CDK14: variants seen among roughly 807,000 people sequenced by gnomAD.
CDK14 encodes cyclin-dependent kinase 14.
CDK14 carries 34 observed loss-of-function variants against 60.7 expected under a neutral mutation model. That is an observed-to-expected ratio of 0.56 (90% CI 0.43 to 0.75). The LOEUF (loss-of-function observed/expected upper bound fraction) is 0.75. Ranked by LOEUF, CDK14 falls within the 30% of genes least tolerant of loss-of-function variation. The pLI, the probability that CDK14 is intolerant of heterozygous loss-of-function variation, is 0.00. For synonymous variants in CDK14, 197 were observed against 203.7 expected (o/e 0.97, Z 0.28); for missense variants, 482 against 564.1 (o/e 0.85, Z 1.47).
intron 5 of CDK14, among the ~76,000 whole-genome samples, chr7:90,825,563 TA>T (rs1789694414): frequency 6.6e-6 from 1 of 152,204 alleles, no homozygotes; most frequent in Non-Finnish European, 1.5e-5. Context: ...TGCTGTGGTA[TA>T]AGTAATGAAA....
intron 2 of CDK14, among the ~76,000 whole-genome samples, chr7:90,636,327 G>T (rs1041902420): frequency 5.3e-5 from 8 of 152,180 alleles, no homozygotes; most frequent in African/African-American, 1.9e-4. Flanking sequence ...CTGATTTATT[G>T]AGAGTTTTTA....
chr7:90,930,191 T>G (rs1793544918), intron 8 of CDK14, among the ~76,000 whole-genome samples: 1 of 151,960 alleles, frequency 6.6e-6, no homozygotes, highest in South Asian at 2.1e-4. Context: ...TAAACATATA[T>G]AAGTGGAAAT....
chr7:91,085,057 G>A (rs1374213449), intron 12 of CDK14, among the ~76,000 whole-genome samples: 1 of 152,162 alleles, frequency 6.6e-6, no homozygotes, highest in African/African-American at 2.4e-5. Context: ...AATATGCCAT[G>A]GGTGTTTGTA....
chr7:90,807,771 G>A (rs2117027864), intron 5 of CDK14, among the ~76,000 whole-genome samples: 1 of 152,284 alleles, frequency 6.6e-6, no homozygotes, highest in East Asian at 1.9e-4. Context: ...AGTCTTTAAA[G>A]GACCTGATGG....
rs1238837747 is a variant in CDK14, at chr7:91,207,876, A to G, written c.*740A>G. 1 of 152,680 alleles carries G rather than the reference A, an allele frequency of 6.5e-6. No individual in the cohort carries two copies. The highest frequency in any genetic ancestry group is 1.5e-5 in the Non-Finnish European group (1 of 68,052). The allele number at this position is 152,680 out of a possible 1,614,324, so 9.5% of individuals were successfully genotyped here. The stretch of plus-strand genomic sequence containing the variant: ...TCAAACGTTAAGAACAAAGACAGGG[A>G]TAAATTGCTTACATTTCAACCTCTG... On this transcript the variant is annotated 3_prime_UTR_variant, in exon 15 of 15. Transcript: ENST00000380050.
chr7:91,124,555 G>A (rs1380644778), intron 14 of CDK14, among the ~76,000 whole-genome samples: 1 of 151,694 alleles, frequency 6.6e-6, no homozygotes, highest in African/African-American at 2.4e-5. Flanking sequence ...GGCTGAAAGA[G>A]AGGAAACTGG....
chr7:91,093,681 CA>C (rs1346995017), intron 12 of CDK14, among the ~76,000 whole-genome samples: 1 of 152,020 alleles, frequency 6.6e-6, no homozygotes, highest in Non-Finnish European at 1.5e-5. Context: ...GTTTATATAT[CA>C]AAAAAGAAAA....
At chr7:90,720,164 A>G (rs767766390) in intron 2 of CDK14, among the ~76,000 whole-genome samples, 1 of 152,220 alleles carries the variant, frequency 6.6e-6, no homozygotes, top group Non-Finnish European at 1.5e-5. Context: ...ACATTAAAGT[A>G]TCACAAAAAG....
chr7:91,020,651 C>G (rs1796409909), intron 10 of CDK14, among the ~76,000 whole-genome samples: 1 of 152,204 alleles, frequency 6.6e-6, no homozygotes, highest in Admixed American at 6.5e-5. Context: ...GGAGCCTGAC[C>G]ACTGGGATTT....
At chr7:90,818,914 A>ATG in intron 5 of CDK14, among the ~76,000 whole-genome samples, 2 of 151,792 alleles carry the variant, frequency 1.3e-5, no homozygotes, top group African/African-American at 4.8e-5. Flanking sequence ...GTGTGTATAT[A>ATG]TATATAATTT....
intron 12 of CDK14, among the ~76,000 whole-genome samples, chr7:91,096,085 A>AC (rs933025973): frequency 2.0e-5 from 3 of 151,028 alleles, no homozygotes; most frequent in South Asian, 2.1e-4. Context: ...AAAAAAAAAA[A>AC]AAACAGTTAT....
At chr7:90,845,867 T>G (rs1213390726) in intron 5 of CDK14, among the ~76,000 whole-genome samples, 1 of 152,170 alleles carries the variant, frequency 6.6e-6, no homozygotes, top group Non-Finnish European at 1.5e-5. Flanking sequence ...AGCTGTTCTC[T>G]TAAGCTCTCC....
Position 90,798,188 on chromosome 7 carries a change from ATTT to A in CDK14, c.544+7548_544+7550del, listed in dbSNP as rs10617120. ...TCTAATAAAGTCTGACTTCTGAGTGATTTTTTTTTTTTTTGTAGCAGTAAATGA... is the reference window on the plus strand; with the variant it reads ...TCTAATAAAGTCTGACTTCTGAGTGATTTTTTTTTTTGTAGCAGTAAATGA... On this transcript the variant is annotated intron_variant, in intron 5 of 14. Coordinates refer to ENST00000380050, the MANE Select transcript of CDK14 (RefSeq NM_001287135.2). Among the ~76,000 whole-genome samples, 397 of 146,750 alleles carry A rather than the reference ATTT, an allele frequency of 2.7e-3. 3 individuals carry two copies. The highest frequency in any genetic ancestry group is 5.7e-3 in the African/African-American group (227 of 39,740).
At chr7:91,091,206 G>A (rs577083587) in intron 12 of CDK14, among the ~76,000 whole-genome samples, 59 of 149,854 alleles carry the variant, frequency 3.9e-4, no homozygotes, top group African/African-American at 1.4e-3. Context: ...GATGAGACTA[G>A]GTGACATGAC....
intron 14 of CDK14, among the ~76,000 whole-genome samples, chr7:91,145,648 C>G (rs1232874900): frequency 6.6e-6 from 1 of 152,170 alleles, no homozygotes; most frequent in Non-Finnish European, 1.5e-5. Flanking sequence ...GCTGGTCACT[C>G]TTCAGCTCCT....
intron 2 of CDK14, among the ~76,000 whole-genome samples, chr7:90,653,047 C>T (rs1477764800): frequency 6.6e-6 from 1 of 152,142 alleles, no homozygotes; most frequent in Admixed American, 6.6e-5. Context: ...CCCTTTGGTT[C>T]TAGCCAGGTT....
intron 6 of CDK14, among the ~76,000 whole-genome samples, chr7:90,874,960 C>T (rs898637451): frequency 2.6e-5 from 4 of 152,248 alleles, no homozygotes; most frequent in East Asian, 1.9e-4. Flanking sequence ...ATTACTACAA[C>T]CTAATTTTAC....
chr7:90,871,071 C>A (rs976162417), intron 6 of CDK14, among the ~76,000 whole-genome samples: 1 of 151,966 alleles, frequency 6.6e-6, no homozygotes, highest in African/African-American at 2.4e-5. Context: ...TCGGGGTGTG[C>A]TGGAGGGCAT....
intron 5 of CDK14, among the ~76,000 whole-genome samples, chr7:90,818,075 T>C (rs1789415655): frequency 2.0e-5 from 3 of 152,186 alleles, no homozygotes; most frequent in Admixed American, 2.0e-4. Context: ...GACTTAACCC[T>C]GAAGTGATTT....
Sources: gnomAD v4.1 joint callset for allele counts (sites outside exome capture counted in the v4.1 genomes callset) on GRCh38, gnomAD v4.1.1 for gene constraint, MANE v1.5 for transcripts, NCBI Gene and HGNC (gene_info 2026-07-23, HGNC 2026-07-21) for gene names.